ATG7: variants seen among roughly 807,000 people sequenced by gnomAD.
ATG7 encodes the protein autophagy related 7.
Under a neutral mutation model 82.4 loss-of-function variants are expected in ATG7, and 70 were observed. The ratio of observed to expected loss-of-function variants is 0.85; its 90% CI spans 0.70 to 1.04. The LOEUF is 1.04. Ranked by LOEUF, ATG7 falls within the 50% of genes least tolerant of loss-of-function variation. The pLI is 0.00. For missense variants in ATG7, 792 were observed against 864.3 expected, an observed-to-expected ratio of 0.92 and a Z score of 1.05; for synonymous variants, 287 against 313.0, an observed-to-expected ratio of 0.92 and a Z score of 0.88.
At chr3:11,508,864 A>G (rs2091889993) in intron 20 of ATG7, among the ~76,000 whole-genome samples, 1 of 152,212 alleles carries the variant, frequency 6.6e-6, no homozygotes, top group South Asian at 2.1e-4. Context: ...GCTTAAAGCA[A>G]ACTCGGTACA....
chr3:11,368,410 G>T (rs1423359276), intron 18 of ATG7, among the ~76,000 whole-genome samples: 1 of 152,056 alleles, frequency 6.6e-6, no homozygotes, highest in Non-Finnish European at 1.5e-5. Context: ...AAGTTGGTTT[G>T]CCGGCTGGCA....
chr3:11,491,269 C>G (rs28805601), intron 20 of ATG7, among the ~76,000 whole-genome samples: 78,874 of 151,994 alleles, frequency 0.52, 21,398 homozygotes, highest in East Asian at 0.66. Context: ...TGCATTGGCT[C>G]CTGAGGCTTC....
intron 12 of ATG7, among the ~76,000 whole-genome samples, chr3:11,341,170 TC>T (rs2152774296): frequency 6.6e-6 from 1 of 151,774 alleles, no homozygotes; most frequent in South Asian, 2.1e-4. Context: ...CAAGTGATTC[TC>T]CTGCCTCAGC....
At chr3:11,421,241 C>G (rs2081917958) in intron 19 of ATG7, among the ~76,000 whole-genome samples, 1 of 152,090 alleles carries the variant, frequency 6.6e-6, no homozygotes, top group African/African-American at 2.4e-5. Flanking sequence ...CAGCAGTTGG[C>G]TTTTCCTTTC....
rs187844666 is a variant in ATG7, at chr3:11,433,612, C to T, written c.2079+6686C>T. ...AAATTCAAATTCCTAAGTCCCTTTA[C>T]CCAATTTCCCTGAAATACTTCATTC... On this transcript the variant is annotated intron_variant, in intron 20 of 20. Transcript: ENST00000693202. 1.4e-3 allele frequency among the ~76,000 whole-genome samples: 212 copies of T among 152,254 alleles called. 2 individuals carry two copies. The highest frequency in any genetic ancestry group is 0.01 in the Middle Eastern group (3 of 294).
At chr3:11,376,991 G>A (rs576081358) in intron 18 of ATG7, among the ~76,000 whole-genome samples, 9 of 152,046 alleles carry the variant, frequency 5.9e-5, no homozygotes, top group Non-Finnish European at 1.3e-4. Context: ...CGCCCTCCTC[G>A]GCCTCCCAAA....
chr3:11,276,079 G>A (rs968160146), intron 1 of ATG7, among the ~76,000 whole-genome samples: 1 of 152,124 alleles, frequency 6.6e-6, no homozygotes, highest in African/African-American at 2.4e-5. Flanking sequence ...CCTCAGCGTG[G>A]CTCAGCCCTC....
intron 9 of ATG7, among the ~76,000 whole-genome samples, chr3:11,328,432 A>G (rs1951174545): frequency 6.6e-6 from 1 of 152,206 alleles, no homozygotes; most frequent in Non-Finnish European, 1.5e-5. Context: ...TGAAAGGATG[A>G]CCATATCTAT....
intron 20 of ATG7, among the ~76,000 whole-genome samples, chr3:11,440,601 G>A (rs1433629424): frequency 2.0e-5 from 3 of 149,874 alleles, no homozygotes; most frequent in African/African-American, 7.3e-5. Flanking sequence ...TGGGATTACA[G>A]GCGTGAGCCA....
At chr3:11,377,345 A>G (rs2077496486) in intron 18 of ATG7, among the ~76,000 whole-genome samples, 2 of 152,212 alleles carry the variant, frequency 1.3e-5, no homozygotes, top group Admixed American at 1.3e-4. Context: ...GTTTCCTAGT[A>G]AAGAACTGTC....
intron 3 of ATG7, 38 bp from the exon 4 acceptor site, chr3:11,298,648 T>TA: frequency 6.3e-7 from 1 of 1,580,686 alleles, no homozygotes. Flanking sequence ...TTTGCATGGA[T>TA]ATGTTATTTT....
chr3:11,322,218 T>C (rs1950307490), intron 9 of ATG7, among the ~76,000 whole-genome samples: 1 of 43,184 alleles, frequency 2.3e-5, no homozygotes, highest in Non-Finnish European at 4.0e-5. Context: ...CACCCACACA[T>C]ACACATAACA....
chr3:11,325,488 A>G (rs762638805), intron 9 of ATG7, among the ~76,000 whole-genome samples: 2 of 152,148 alleles, frequency 1.3e-5, no homozygotes, highest in East Asian at 1.9e-4. Flanking sequence ...CCTGACCAAC[A>G]TGGTGAAATT....
intron 20 of ATG7, among the ~76,000 whole-genome samples, chr3:11,543,523 G>A (rs572231965): frequency 2.6e-5 from 4 of 152,340 alleles, no homozygotes; most frequent in South Asian, 2.1e-4. Context: ...GCCCAGGCTC[G>A]AGGAGGCAGT....
At chr3:11,293,731 A>G (rs1264332828) in intron 3 of ATG7, among the ~76,000 whole-genome samples, 5 of 151,688 alleles carry the variant, frequency 3.3e-5, no homozygotes, top group Non-Finnish European at 4.4e-5. Flanking sequence ...CACGCCTGTA[A>G]TCCCAGCTAC....
At chr3:11,336,022 C>G (rs1224183991) in intron 11 of ATG7, among the ~76,000 whole-genome samples, 1 of 151,328 alleles carries the variant, frequency 6.6e-6, no homozygotes, top group African/African-American at 2.4e-5. Flanking sequence ...AGGCATGAGC[C>G]ACTGTGCCCG....
chr3:11,482,935 GC>G (rs917602984), intron 20 of ATG7, among the ~76,000 whole-genome samples: 2 of 151,454 alleles, frequency 1.3e-5, no homozygotes, highest in Non-Finnish European at 2.9e-5. Context: ...GACTTGAGAA[GC>G]CCCCCCTTGA....
chr3:11,347,190 C>A lies in ATG7; in HGVS notation c.1126-687C>A, dbSNP rs1056460414. On this transcript the variant is annotated intron_variant, in intron 13 of 20. Transcript: ENST00000693202. The stretch of plus-strand genomic sequence containing the variant: ...AGGCAAATCACTTATCTTTCCTGGG[C>A]ATCAGTTTCCATATCTGTAAAACAA... Among the ~76,000 whole-genome samples the A allele has an allele frequency of 2.6e-5, 4 of 152,194 alleles. 1 individual carries two copies. Among genetic ancestry groups the A allele is most frequent in the African/African-American group, 9.7e-5 (4 of 41,438 alleles).
downstream of ATG7, chr3:11,558,472 AT>A: frequency 3.5e-4 from 229 of 649,302 alleles, no homozygotes; most frequent in Non-Finnish European, 3.7e-4. Flanking sequence ...CCCCACCCCC[AT>A]GATTTTTTTT....
Sources: allele counts gnomAD v4.1 joint callset (sites outside exome capture counted in the v4.1 genomes callset), GRCh38; gene constraint gnomAD v4.1.1; transcripts MANE v1.5; gene names NCBI Gene and HGNC (gene_info 2026-07-23, HGNC 2026-07-21).